The following FRMD6 variants were observed in gnomAD, a reference collection of about 807,000 sequenced individuals.
FRMD6 encodes the protein FERM domain containing 6.
Under a neutral mutation model 73.2 loss-of-function variants are expected in FRMD6, and 37 were observed. That is an observed-to-expected ratio of 0.51 (90% CI 0.39 to 0.66). The LOEUF (loss-of-function observed/expected upper bound fraction) is 0.66. Ranked by LOEUF, FRMD6 falls within the 30% of genes least tolerant of loss-of-function variation. FRMD6 has a pLI of 0.00. For missense variants in FRMD6, 714 were observed against 780.5 expected (o/e 0.91, Z 1.02); for synonymous variants, 273 against 282.2 (o/e 0.97, Z 0.33).
the FRMD6 span, among the ~76,000 whole-genome samples, chr14:51,416,204 T>G: frequency 1.3e-5 from 2 of 152,078 alleles, no homozygotes; most frequent in Non-Finnish European, 2.9e-5. Context: ...GCTTTTGAAT[T>G]TGTTTGCTCT....
chr14:51,710,217 CAT>C (rs1416826325), intron 7 of FRMD6, among the ~76,000 whole-genome samples: 5 of 152,064 alleles, frequency 3.3e-5, no homozygotes, highest in Non-Finnish European at 7.4e-5. Context: ...AAAAATGTAA[CAT>C]AATGAAGTGG....
intron 1 of FRMD6, among the ~76,000 whole-genome samples, chr14:51,496,576 C>T (rs966676046): frequency 3.0e-4 from 46 of 152,272 alleles, no homozygotes; most frequent in African/African-American, 1.0e-3. Context: ...GTAAAAGCTG[C>T]GAAGCCTCTT....
chr14:51,436,872 G>T, the FRMD6 span: 3 of 765,534 alleles, frequency 3.9e-6, no homozygotes, highest in Non-Finnish European at 4.1e-6. Flanking sequence ...GGATTAGAAG[G>T]TATTGATGAA....
intron 1 of FRMD6, among the ~76,000 whole-genome samples, chr14:51,489,677 A>G (rs964448544): frequency 3.9e-5 from 6 of 152,162 alleles, no homozygotes; most frequent in Non-Finnish European, 7.3e-5. Flanking sequence ...GCTAGGAAGA[A>G]ACTCACATCT....
chr14:51,537,594 C>T (rs555863204), intron 1 of FRMD6, among the ~76,000 whole-genome samples: 1 of 152,246 alleles, frequency 6.6e-6, no homozygotes, highest in Non-Finnish European at 1.5e-5. Flanking sequence ...AACTGTCTTC[C>T]AAAGTGGCTA....
chr14:51,632,386 C>T (rs565400860), intron 2 of FRMD6, among the ~76,000 whole-genome samples: 19 of 152,176 alleles, frequency 1.2e-4, no homozygotes, highest in African/African-American at 3.1e-4. Context: ...TTAGGAAACA[C>T]GAGTAAAATT....
At chr14:51,443,387 G>A in the FRMD6 span, among the ~76,000 whole-genome samples, 1 of 152,158 alleles carries the variant, frequency 6.6e-6, no homozygotes, top group Admixed American at 6.5e-5. Flanking sequence ...AAATGGATAT[G>A]ACTCAGCTGT....
rs117527376 is a variant in FRMD6 at position 51,511,737 on chromosome 14, A to T, written c.-210+22317A>T. On this transcript the variant is annotated intron_variant, in intron 1 of 14. Transcript: ENST00000356218. ...ACACCGGGGCCAGTTGGGATGGTGG[A>T]CTAGGGGAGGGATAGCATTAGGAGA... is the stretch of plus-strand genomic sequence containing the variant. Among the ~76,000 whole-genome samples the T allele has an allele frequency of 2.4e-4, 36 of 152,196 alleles. No individual in the cohort carries two copies. In the East Asian group the frequency reaches 7.0e-3, roughly 29 times the overall value.
chr14:51,485,551 T>C (rs535662899), upstream of FRMD6, among the ~76,000 whole-genome samples: 5 of 152,320 alleles, frequency 3.3e-5, 1 homozygote, highest in African/African-American at 1.2e-4. Context: ...CAGTACACCA[T>C]TCCTGTTTGA....
chr14:51,514,763 G>A (rs1884523382), intron 1 of FRMD6, among the ~76,000 whole-genome samples: 2 of 152,150 alleles, frequency 1.3e-5, no homozygotes, highest in African/African-American at 4.8e-5. Flanking sequence ...CAGGAGAATT[G>A]TTTGAACCCA....
intron 2 of FRMD6, among the ~76,000 whole-genome samples, chr14:51,620,650 G>C (rs1484366425): frequency 6.6e-6 from 1 of 152,136 alleles, no homozygotes; most frequent in Non-Finnish European, 1.5e-5. Context: ...AAGAAGTCTT[G>C]TCCACTCCAC....
chr14:51,431,240 T>C, the FRMD6 span, among the ~76,000 whole-genome samples: 7 of 152,178 alleles, frequency 4.6e-5, no homozygotes, highest in African/African-American at 1.7e-4. Flanking sequence ...ATTTTCAAAG[T>C]TTGCAAACAG....
intron 1 of FRMD6, among the ~76,000 whole-genome samples, chr14:51,667,849 T>C (rs1230333165): frequency 1.3e-5 from 2 of 152,186 alleles, no homozygotes; most frequent in African/African-American, 4.8e-5. Context: ...ATACTGATTT[T>C]CTGAACCCTC....
At chr14:51,607,884 C>A (rs1427101361) in intron 2 of FRMD6, among the ~76,000 whole-genome samples, 1 of 152,202 alleles carries the variant, frequency 6.6e-6, no homozygotes, top group African/African-American at 2.4e-5. Flanking sequence ...GGGTTCCTGC[C>A]TTTTCCCATC....
chr14:51,418,848 A>G, the FRMD6 span, among the ~76,000 whole-genome samples: 2 of 152,220 alleles, frequency 1.3e-5, no homozygotes, highest in Non-Finnish European at 2.9e-5. Context: ...TTGAGCTTCC[A>G]TGGCCACTTT....
intron 2 of FRMD6, among the ~76,000 whole-genome samples, chr14:51,646,153 C>A (rs1332871092): frequency 3.3e-5 from 5 of 151,656 alleles, no homozygotes; most frequent in African/African-American, 1.2e-4. Context: ...CCCGTCTCTA[C>A]TAAAAATACA....
At chr14:51,445,033 T>C in the FRMD6 span, among the ~76,000 whole-genome samples, 1 of 152,186 alleles carries the variant, frequency 6.6e-6, no homozygotes, top group South Asian at 2.1e-4. Context: ...CAACTATTAA[T>C]TTTTTTATTT....
At chr14:51,445,530 G>T in the FRMD6 span, among the ~76,000 whole-genome samples, 1 of 150,548 alleles carries the variant, frequency 6.6e-6, no homozygotes, top group African/African-American at 2.5e-5. Flanking sequence ...CAATGTTAAA[G>T]CTAGATGATC....
chr14:51,681,162 T>C (rs529371274), intron 1 of FRMD6, among the ~76,000 whole-genome samples: 68 of 152,326 alleles, frequency 4.5e-4, no homozygotes, highest in African/African-American at 1.6e-3. Flanking sequence ...CCAATGCAAG[T>C]CCACTTTAAT....
Sources: gnomAD v4.1 joint callset for allele counts (sites outside exome capture counted in the v4.1 genomes callset) on GRCh38, gnomAD v4.1.1 for gene constraint, MANE v1.5 for transcripts, NCBI Gene and HGNC (gene_info 2026-07-23, HGNC 2026-07-21) for gene names.